UBE2E2: variants seen among roughly 807,000 people sequenced by gnomAD.
UBE2E2 encodes ubiquitin conjugating enzyme E2 E2.
Under a neutral mutation model 24.7 loss-of-function variants are expected in UBE2E2, and 6 were observed. That is an observed-to-expected ratio of 0.24 (90% CI 0.13 to 0.48). UBE2E2 has a LOEUF of 0.48. Among genes scored for constraint, UBE2E2 ranks in the 20% least tolerant of loss-of-function variants. The probability of loss-of-function intolerance (pLI) is 0.99; values close to 1 mark genes in which losing one functional copy is unlikely to be tolerated. For missense variants in UBE2E2, 169 were observed against 245.0 expected, an observed-to-expected ratio of 0.69 and a Z score of 2.07; for synonymous variants, 104 against 83.6, an observed-to-expected ratio of 1.24 and a Z score of -1.33.
intron 3 of UBE2E2, among the ~76,000 whole-genome samples, chr3:23,300,389 T>C (rs1306531333): frequency 6.6e-6 from 1 of 152,250 alleles, no homozygotes; most frequent in African/African-American, 2.4e-5. Flanking sequence ...TGATGGTCTT[T>C]ACAATTTGGC....
intron 5 of UBE2E2, among the ~76,000 whole-genome samples, chr3:23,562,012 A>G (rs987448687): frequency 5.9e-5 from 9 of 152,210 alleles, no homozygotes; most frequent in African/African-American, 7.2e-5. Flanking sequence ...TGTGACCTGC[A>G]AACAGGGACA....
At chr3:23,559,675 T>C (rs1014017708) in intron 5 of UBE2E2, among the ~76,000 whole-genome samples, 4 of 152,174 alleles carry the variant, frequency 2.6e-5, no homozygotes, top group African/African-American at 4.8e-5. Context: ...CATCATCTAC[T>C]CATCACTCCA....
chr3:23,555,167 T>C (rs892255077), intron 5 of UBE2E2, among the ~76,000 whole-genome samples: 1 of 152,140 alleles, frequency 6.6e-6, no homozygotes. Context: ...TCCACCCGCC[T>C]CGGCCTCAAA....
chr3:23,514,059 C>T (rs1376554150), intron 4 of UBE2E2, among the ~76,000 whole-genome samples: 2 of 152,216 alleles, frequency 1.3e-5, no homozygotes, highest in African/African-American at 4.8e-5. Flanking sequence ...TCTTACAAGG[C>T]CCTACGTGAT....
rs867288088 is a variant in UBE2E2 at position 23,299,534 on chromosome 3, G to A, written c.227+82222G>A. ...ACATCTTTATTTCTGCCTTCATTTC[G>A]TTATGTACCCAGTAGTCATTCAGGA... On this transcript the variant is annotated intron_variant, in intron 3 of 5. Transcript: ENST00000396703. Among the ~76,000 whole-genome samples the A allele has an allele frequency of 7.2e-5, 11 of 152,090 alleles. No individual in the cohort carries two copies. The South Asian group carries it at 1.5e-3, about 20-fold the overall frequency.
rs34208918 is a variant in UBE2E2, at chr3:23,313,386, C to CTTTTTTTT, written c.227+96086_227+96093dup. On this transcript the variant is annotated intron_variant, in intron 3 of 5. Coordinates refer to ENST00000396703, the MANE Select transcript of UBE2E2 (RefSeq NM_152653.4). ...TCTTGTAGGCAATGGATCATTGGGT[C>CTTTTTTTT]TTTTTTTTTTTTTTTTTTTGAGGGC... is the stretch of plus-strand genomic sequence containing the variant. Among the ~76,000 whole-genome samples, 8 of 111,868 alleles carry CTTTTTTTT rather than the reference C, an allele frequency of 7.2e-5. 1 individual carries two copies. The highest frequency in any genetic ancestry group is 1.4e-4 in the African/African-American group (4 of 28,144). 73.4% of individuals were successfully genotyped at this position (111,868 alleles called of 152,430 possible). A position where few individuals can be genotyped will look rare whatever the true frequency, so the allele number is the denominator to read the frequency against.
intron 4 of UBE2E2, among the ~76,000 whole-genome samples, chr3:23,510,592 G>C (rs187038098): frequency 4.6e-4 from 70 of 151,930 alleles, no homozygotes; most frequent in African/African-American, 1.4e-3. Context: ...GGGTGACAGA[G>C]CAAGACTGGG....
At chr3:23,481,019 A>G (rs933399678) in intron 3 of UBE2E2, among the ~76,000 whole-genome samples, 3 of 152,244 alleles carry the variant, frequency 2.0e-5, no homozygotes, top group African/African-American at 7.2e-5. Flanking sequence ...ATTCAAAATT[A>G]TTAGATACAA....
In UBE2E2 at chr3:23,203,421, G is replaced by T. The variant is rs1696019865; in HGVS notation, c.-52G>T. 1 of 983,506 alleles carries T rather than the reference G, an allele frequency of 1.0e-6. No homozygotes were observed. Among genetic ancestry groups the T allele is most frequent in the Non-Finnish European group, 1.2e-6 (1 of 829,504 alleles). 60.9% of individuals were successfully genotyped at this position (983,506 alleles called of 1,614,324 possible). A position where few individuals can be genotyped will look rare whatever the true frequency, so the allele number is the denominator to read the frequency against. On this transcript the variant is annotated 5_prime_UTR_variant, in exon 1 of 6. Transcript: ENST00000396703. The stretch of plus-strand genomic sequence containing the variant: ...CGCGCCTGGGCAGCTCTCTCCCAGG[G>T]CTTCGGCTCGAGCCTGCGACCTGCA...
chr3:23,236,478 A>G (rs1178885608), intron 3 of UBE2E2, among the ~76,000 whole-genome samples: 1 of 144,412 alleles, frequency 6.9e-6, no homozygotes, highest in African/African-American at 2.5e-5. Flanking sequence ...GAGGATTCTT[A>G]GGTCCTTTTT....
In UBE2E2 at chr3:23,444,892, A is replaced by G. The variant is rs147323018; in HGVS notation, c.228-54716A>G. Among the ~76,000 whole-genome samples the G allele has an allele frequency of 6.3e-4, 96 of 152,288 alleles. No homozygotes were observed. In the East Asian group the frequency reaches 0.015, roughly 24 times the overall value. On this transcript the variant is annotated intron_variant, in intron 3 of 5. Transcript: ENST00000396703. ...GATCAGTTATTTTATAAGCCCTGGA[A>G]TGGTGGTGGTAGCAGAGGTATTGGG...
At chr3:23,398,429 G>T (rs1424401588) in intron 3 of UBE2E2, among the ~76,000 whole-genome samples, 1 of 151,326 alleles carries the variant, frequency 6.6e-6, no homozygotes, top group African/African-American at 2.4e-5. Flanking sequence ...TTTTTGCTCT[G>T]CCCAGCTTTG....
intron 3 of UBE2E2, among the ~76,000 whole-genome samples, chr3:23,266,249 C>T (rs1698044687): frequency 6.6e-6 from 1 of 152,168 alleles, no homozygotes; most frequent in Non-Finnish European, 1.5e-5. Context: ...CCTCGATGGT[C>T]TTTACAATTT....
intron 4 of UBE2E2, among the ~76,000 whole-genome samples, chr3:23,531,189 A>G (rs1695115114): frequency 6.6e-6 from 1 of 152,074 alleles, no homozygotes; most frequent in Non-Finnish European, 1.5e-5. Flanking sequence ...AAATTACATA[A>G]ATCTGGTGTT....
At chr3:23,263,858 A>T (rs573124559) in intron 3 of UBE2E2, among the ~76,000 whole-genome samples, 3 of 152,164 alleles carry the variant, frequency 2.0e-5, no homozygotes, top group Non-Finnish European at 4.4e-5. Flanking sequence ...AATTTTGGCG[A>T]AACTGCATAG....
At chr3:23,324,810 A>G (rs1006306754) in intron 3 of UBE2E2, among the ~76,000 whole-genome samples, 2 of 151,944 alleles carry the variant, frequency 1.3e-5, no homozygotes, top group African/African-American at 4.8e-5. Context: ...AAAAACCTAA[A>G]TGGATTCTAA....
At chr3:23,482,788 G>C (rs1369041146) in intron 3 of UBE2E2, among the ~76,000 whole-genome samples, 1 of 152,132 alleles carries the variant, frequency 6.6e-6, no homozygotes, top group African/African-American at 2.4e-5. Flanking sequence ...AACCTGATTT[G>C]AGAATAATAA....
intron 3 of UBE2E2, among the ~76,000 whole-genome samples, chr3:23,221,892 A>G (rs144195325): frequency 1.2e-3 from 178 of 152,238 alleles, no homozygotes; most frequent in Non-Finnish European, 9.3e-4. Context: ...TTTTAAAAAT[A>G]TTTTTAATTG....
At chr3:23,217,218 G>A in intron 2 of UBE2E2, 44 bp from the exon 3 acceptor site, 2 of 1,515,922 alleles carry the variant, frequency 1.3e-6, no homozygotes, top group Non-Finnish European at 1.8e-6. Context: ...ATTGTTAAGA[G>A]TGAAGATATT....
Sources: gnomAD v4.1 joint callset for allele counts (sites outside exome capture counted in the v4.1 genomes callset) on GRCh38, gnomAD v4.1.1 for gene constraint, MANE v1.5 for transcripts, NCBI Gene and HGNC (gene_info 2026-07-23, HGNC 2026-07-21) for gene names.